Variants in ASF1A observed in about 807,000 individuals in gnomAD.
ASF1A encodes anti-silencing function 1A histone chaperone, also known as histone chaperone ASF1A.
In ASF1A, 5 loss-of-function variants were observed where a neutral mutation model predicts 22.0. The ratio of observed to expected loss-of-function variants is 0.23; its 90% CI spans 0.12 to 0.48. The LOEUF is 0.48. Ranked by LOEUF, ASF1A falls within the 20% of genes least tolerant of loss-of-function variation. The pLI, the probability that ASF1A is intolerant of heterozygous loss-of-function variation, is 0.99. For synonymous variants in ASF1A, 97 were observed against 86.7 expected (o/e 1.12, Z -0.66); for missense variants, 137 against 240.6 (o/e 0.57, Z 2.85).
Position 118,908,392 on chromosome 6 carries a change from G to A in ASF1A, c.*778G>A, listed in dbSNP as rs1780314809. On this transcript the variant is annotated 3_prime_UTR_variant, in exon 4 of 4. Transcript: ENST00000229595. ...AAACTCCCTGTGTTTAAGAATAGGGGATTACAATGGCTCAAATTGGTTCAT... is the reference window on the plus strand; with the variant it reads ...AAACTCCCTGTGTTTAAGAATAGGGAATTACAATGGCTCAAATTGGTTCAT... 2 of 152,062 alleles carry A rather than the reference G, an allele frequency of 1.3e-5. No homozygotes were observed. Among genetic ancestry groups the A allele is most frequent in the Admixed American group, 1.3e-4 (2 of 15,268 alleles). 9.4% of individuals were successfully genotyped at this position (152,062 alleles called of 1,614,324 possible). A position where few individuals can be genotyped will look rare whatever the true frequency, so the allele number is the denominator to read the frequency against.
intron 1 of ASF1A, among the ~76,000 whole-genome samples, chr6:118,898,494 G>A (rs1027277186): frequency 2.0e-5 from 3 of 149,614 alleles, no homozygotes; most frequent in East Asian, 3.9e-4. Context: ...GCGCGATCTC[G>A]GCTCACTGCA....
chr6:118,897,780 T>TC (rs1779528578), intron 1 of ASF1A, among the ~76,000 whole-genome samples: 1 of 151,820 alleles, frequency 6.6e-6, no homozygotes, highest in Admixed American at 6.6e-5. Context: ...ACCTTACCCT[T>TC]CCTCCCTCAA....
Position 118,900,835 on chromosome 6 carries a change from T to C in ASF1A, c.179T>C (p.Val60Ala). Residue 60 changes from valine (V) to alanine (A), a missense_variant, in exon 2 of 4, where the codon GTT (valine) becomes GCT (alanine). Physicochemically the swap from Val to Ala is moderately conservative, Grantham distance 64. This residue lies in a region of ASF1A where 96 missense variants were observed against 196.7 expected (regional missense o/e 0.49). Coordinates refer to ENST00000229595, the MANE Select transcript of ASF1A (RefSeq NM_014034.3). ...SEEYDQVLDSVLVGPVPAGRH... is the reference protein window; with the variant it reads ...SEEYDQVLDSALVGPVPAGRH... Reference sequence around the variant, plus strand: ...GAATACGATCAAGTTTTAGACTCTGTTTTAGTGGGTCCTGTTCCCGCAGGA... The same window carrying C: ...GAATACGATCAAGTTTTAGACTCTGCTTTAGTGGGTCCTGTTCCCGCAGGA... The C allele has an allele frequency of 6.2e-7, 1 of 1,613,824 alleles. No individual in the cohort carries two copies. The highest frequency in any genetic ancestry group is 1.7e-5 in the Admixed American group (1 of 60,028).
chr6:118,897,487 TTATAA>T (rs1211688896), intron 1 of ASF1A, among the ~76,000 whole-genome samples: 1 of 152,110 alleles, frequency 6.6e-6, no homozygotes. Context: ...AATTGAATAC[TTATAA>T]TATACCAGAA....
chr6:118,895,358 A>G (rs966269167), intron 1 of ASF1A, among the ~76,000 whole-genome samples: 1 of 152,198 alleles, frequency 6.6e-6, no homozygotes, highest in Non-Finnish European at 1.5e-5. Flanking sequence ...AGGAAGAGAA[A>G]TAGAGCTGAG....
chr6:118,899,065 T>C (rs1779626145), intron 1 of ASF1A, among the ~76,000 whole-genome samples: 1 of 152,228 alleles, frequency 6.6e-6, no homozygotes, highest in Non-Finnish European at 1.5e-5. Context: ...GCTGCTTTCA[T>C]CTTCAGGATT....
chr6:118,894,270 G>A lies in ASF1A; in HGVS notation c.-144G>A, dbSNP rs1412259233. 1 of 1,460,942 alleles carries A rather than the reference G, an allele frequency of 6.8e-7. No individual in the cohort carries two copies. Among genetic ancestry groups the A allele is most frequent in the Non-Finnish European group, 9.0e-7 (1 of 1,112,978 alleles). 90.5% of individuals were successfully genotyped at this position (1,460,942 alleles called of 1,614,324 possible). ...TGGAGTGCTCCCGTGTAAATAAAAA[G>A]AGGAAAAAAGTTTCTCAAGTCGCCG... On this transcript the variant is annotated 5_prime_UTR_variant, in exon 1 of 4. Coordinates refer to ENST00000229595, the MANE Select transcript of ASF1A (RefSeq NM_014034.3).
chr6:118,905,962 A>G, intron 3 of ASF1A, 134 bp downstream of exon 3: 1 of 603,766 alleles, frequency 1.7e-6, no homozygotes, highest in Non-Finnish European at 2.7e-6. Flanking sequence ...CCAACTGGGC[A>G]AACTAATTAT....
At chr6:118,897,735 A>G (rs934090741) in intron 1 of ASF1A, among the ~76,000 whole-genome samples, 3 of 152,118 alleles carry the variant, frequency 2.0e-5, no homozygotes, top group Non-Finnish European at 4.4e-5. Context: ...TAAATGAACA[A>G]ATTTCTTCAC....
chr6:118,894,560 G>A (rs759373405), intron 1 of ASF1A, 38 bp downstream of exon 1: 1 of 1,490,438 alleles, frequency 6.7e-7, no homozygotes, highest in South Asian at 1.2e-5. Context: ...TGTCAGTTGC[G>A]GGCTGCAGAC....
At position 118,894,305 on chromosome 6, in the gene ASF1A, G is replaced by T. The variant is rs918107330; in HGVS notation, c.-109G>T. On this transcript the variant is annotated 5_prime_UTR_variant, in exon 1 of 4. Coordinates refer to ENST00000229595, the MANE Select transcript of ASF1A (RefSeq NM_014034.3). ...GTTTCTCAAGTCGCCGCTGCACGAC[G>T]TCTGGCCGGCGCTGGAGCGGGGGTC... is the stretch of plus-strand genomic sequence containing the variant. 6.7e-7 allele frequency: 1 copy of T among 1,498,698 alleles called. No individual in the cohort carries two copies. The highest frequency in any genetic ancestry group is 1.4e-5 in the African/African-American group (1 of 71,318). 92.8% of individuals were successfully genotyped at this position (1,498,698 alleles called of 1,614,324 possible).
rs1047376154 is a variant in ASF1A at position 118,907,622 on chromosome 6, C to T, written c.*8C>T. ...CACATGGACTGCATGTGACCACCTA[C>T]CATCCCTTTAGTACAAATTAAGCTA... On this transcript the variant is annotated 3_prime_UTR_variant, in exon 4 of 4. Coordinates refer to ENST00000229595, the MANE Select transcript of ASF1A (RefSeq NM_014034.3). The T allele has an allele frequency of 8.7e-6, 14 of 1,604,946 alleles. No individual in the cohort carries two copies. The highest frequency in any genetic ancestry group is 1.2e-5 in the Non-Finnish European group (14 of 1,171,902).
chr6:118,896,395 T>C (rs188069281), intron 1 of ASF1A, among the ~76,000 whole-genome samples: 1 of 151,704 alleles, frequency 6.6e-6, no homozygotes, highest in Non-Finnish European at 1.5e-5. Context: ...ATTTCTCAAG[T>C]GTTGCCTTCC....
intron 1 of ASF1A, among the ~76,000 whole-genome samples, chr6:118,897,096 C>T (rs1197780377): frequency 1.3e-5 from 2 of 152,150 alleles, no homozygotes; most frequent in Non-Finnish European, 2.9e-5. Context: ...ACCCCTGCCT[C>T]CCATAGTGTT....
chr6:118,907,025 T>C (rs548856772), intron 3 of ASF1A, among the ~76,000 whole-genome samples: 1 of 152,356 alleles, frequency 6.6e-6, no homozygotes, highest in Non-Finnish European at 1.5e-5. Context: ...ATTTTTCATT[T>C]TCCTTTGAAA....
Position 118,907,720 on chromosome 6 carries a change from T to A in ASF1A, c.*106T>A. 1 of 838,908 alleles carries A rather than the reference T, an allele frequency of 1.2e-6. No individual in the cohort carries two copies. The highest frequency in any genetic ancestry group is 1.9e-6 in the Non-Finnish European group (1 of 540,276). The allele number at this position is 838,908 out of a possible 1,614,324, so 52.0% of individuals were successfully genotyped here. A position where few individuals can be genotyped will look rare whatever the true frequency, so the allele number is the denominator to read the frequency against. ...CAAAACACAATGTGAAGAATTTGTTTAAAAACATCCTGTAGAAAGTTTATA... is the reference window on the plus strand; with the variant it reads ...CAAAACACAATGTGAAGAATTTGTTAAAAAACATCCTGTAGAAAGTTTATA... On this transcript the variant is annotated 3_prime_UTR_variant, in exon 4 of 4. Coordinates refer to ENST00000229595, the MANE Select transcript of ASF1A (RefSeq NM_014034.3).
intron 2 of ASF1A, among the ~76,000 whole-genome samples, chr6:118,901,872 G>A (rs553065788): frequency 1.4e-4 from 22 of 152,146 alleles, no homozygotes; most frequent in African/African-American, 5.3e-4. Flanking sequence ...TTCACAGATG[G>A]GACCAATTTA....
At chr6:118,898,574 G>A (rs1779595953) in intron 1 of ASF1A, among the ~76,000 whole-genome samples, 1 of 151,900 alleles carries the variant, frequency 6.6e-6, no homozygotes. Flanking sequence ...ACAGGCATGT[G>A]CCACCCCTAA....
At chr6:118,895,617 T>C (rs1053428578) in intron 1 of ASF1A, among the ~76,000 whole-genome samples, 12 of 152,152 alleles carry the variant, frequency 7.9e-5, no homozygotes, top group African/African-American at 2.4e-4. Flanking sequence ...TTTTAAGGTC[T>C]TAAAAATACG....
Sources: allele counts gnomAD v4.1 joint callset (sites outside exome capture counted in the v4.1 genomes callset), GRCh38; gene constraint gnomAD v4.1.1; regional missense constraint gnomAD v4.1.1; transcripts MANE v1.5; gene names NCBI Gene and HGNC (gene_info 2026-07-23, HGNC 2026-07-21).